Variants in CSTPP1 observed in about 807,000 individuals in gnomAD.
CSTPP1 encodes the protein centriolar satellite-associated tubulin polyglutamylase complex regulator 1.
the CSTPP1 span, among the ~76,000 whole-genome samples, chr11:47,152,284 C>A: frequency 1.3e-5 from 2 of 152,016 alleles, no homozygotes; most frequent in Non-Finnish European, 2.9e-5. Context: ...GTATTAAGGG[C>A]ACCTGCAGGG....
chr11:47,137,190 A>G, the CSTPP1 span: 2 of 1,002,992 alleles, frequency 2.0e-6, no homozygotes, highest in Admixed American at 2.5e-5. Context: ...CTACACAGCA[A>G]GACTGTTTGC....
chr11:47,025,667 A>T, the CSTPP1 span, among the ~76,000 whole-genome samples: 1 of 152,194 alleles, frequency 6.6e-6, no homozygotes, highest in Non-Finnish European at 1.5e-5. Context: ...GCCCATAAAA[A>T]TAGTGTTTAG....
At chr11:47,005,330 T>G in the CSTPP1 span, among the ~76,000 whole-genome samples, 1 of 152,210 alleles carries the variant, frequency 6.6e-6, no homozygotes, top group Non-Finnish European at 1.5e-5. Flanking sequence ...TAAGTATTGT[T>G]ATAGAGCTTC....
chr11:46,997,603 G>C, the CSTPP1 span, among the ~76,000 whole-genome samples: 3 of 152,166 alleles, frequency 2.0e-5, no homozygotes, highest in African/African-American at 7.2e-5. Context: ...TCTGTTGCTG[G>C]CGAGGATCTG....
the CSTPP1 span, among the ~76,000 whole-genome samples, chr11:47,027,388 A>C: frequency 3.3e-5 from 5 of 152,168 alleles, 1 homozygote; most frequent in Non-Finnish European, 7.4e-5. Flanking sequence ...TGGGGGGAAG[A>C]GTTTACTTCA....
the CSTPP1 span, among the ~76,000 whole-genome samples, chr11:47,078,965 A>G: frequency 3.9e-5 from 6 of 152,202 alleles, no homozygotes; most frequent in Non-Finnish European, 5.9e-5. Flanking sequence ...AGAACGTTCT[A>G]TCTCCAAAAG....
chr11:46,961,901 T>TA, the CSTPP1 span, among the ~76,000 whole-genome samples: 1 of 152,160 alleles, frequency 6.6e-6, no homozygotes, highest in African/African-American at 2.4e-5. Flanking sequence ...GGATAATTTA[T>TA]AAAGGAAAAA....
At chr11:46,955,926 C>CTGCA in the CSTPP1 span, among the ~76,000 whole-genome samples, 1 of 150,880 alleles carries the variant, frequency 6.6e-6, no homozygotes, top group Non-Finnish European at 1.5e-5. Flanking sequence ...GAGGCAGAGG[C>CTGCA]TGCAGTGAGC....
the CSTPP1 span, among the ~76,000 whole-genome samples, chr11:47,102,486 C>CA: frequency 6.1e-3 from 770 of 127,020 alleles, 3 homozygotes; most frequent in East Asian, 0.012. Context: ...CTTTGGGAGG[C>CA]AAAAAAAAAA....
the CSTPP1 span, among the ~76,000 whole-genome samples, chr11:47,114,127 T>G: frequency 1.1e-4 from 17 of 152,332 alleles, no homozygotes; most frequent in African/African-American, 3.8e-4. Flanking sequence ...TTTCTTGATT[T>G]TGTCAGGTTT....
the CSTPP1 span, among the ~76,000 whole-genome samples, chr11:47,102,444 C>A: frequency 1.6e-3 from 235 of 150,988 alleles, 1 homozygote; most frequent in Non-Finnish European, 3.0e-3. Context: ...TCAATTGAGG[C>A]AATATTGCCT....
At chr11:46,945,084 T>C in the CSTPP1 span, among the ~76,000 whole-genome samples, 3 of 152,238 alleles carry the variant, frequency 2.0e-5, no homozygotes, top group African/African-American at 4.8e-5. Context: ...AGACACATTC[T>C]ATTTTTTGAT....
chr11:47,013,187 C>A, the CSTPP1 span, among the ~76,000 whole-genome samples: 1 of 146,268 alleles, frequency 6.8e-6, no homozygotes, highest in African/African-American at 2.5e-5. Context: ...ACATATATAA[C>A]CATATGTAGT....
the CSTPP1 span, chr11:47,161,493 C>G: frequency 4.3e-5 from 69 of 1,614,044 alleles, 1 homozygote; most frequent in East Asian, 1.4e-3. Flanking sequence ...CTGGTCAACT[C>G]GGTCACAGCC....
At chr11:47,100,893 A>G in the CSTPP1 span, among the ~76,000 whole-genome samples, 1 of 152,038 alleles carries the variant, frequency 6.6e-6, no homozygotes, top group Non-Finnish European at 1.5e-5. Context: ...AATAGAATAG[A>G]TTTTCATAAG....
At chr11:47,051,636 C>CATCCTT in the CSTPP1 span, among the ~76,000 whole-genome samples, 2 of 151,934 alleles carry the variant, frequency 1.3e-5, no homozygotes, top group South Asian at 4.2e-4. Flanking sequence ...ATAGCCATGT[C>CATCCTT]ATCCTTATGG....
At chr11:47,089,930 G>T in the CSTPP1 span, among the ~76,000 whole-genome samples, 1 of 152,214 alleles carries the variant, frequency 6.6e-6, no homozygotes, top group Non-Finnish European at 1.5e-5. Context: ...TTTTAAGTAA[G>T]ATAGGTAGTA....
the CSTPP1 span, among the ~76,000 whole-genome samples, chr11:47,012,216 C>T: frequency 1.3e-5 from 2 of 151,996 alleles, no homozygotes; most frequent in Non-Finnish European, 2.9e-5. Flanking sequence ...GTGATCATCC[C>T]ACTGCACTCC....
chr11:47,041,065 G>T, the CSTPP1 span: 1 of 184,082 alleles, frequency 5.4e-6, no homozygotes, highest in South Asian at 6.1e-5. Context: ...AAAGAGGGCT[G>T]AGAAGGTGTT....
Sources: gnomAD v4.1 joint callset for allele counts (sites outside exome capture counted in the v4.1 genomes callset) on GRCh38, gnomAD v4.1.1 for gene constraint, MANE v1.5 for transcripts, NCBI Gene and HGNC (gene_info 2026-07-23, HGNC 2026-07-21) for gene names.